GABBR1: variants seen among roughly 807,000 people sequenced by gnomAD.
The protein encoded by GABBR1 is GABA-B receptor, R1 subunit.
Under a neutral mutation model 117.7 loss-of-function variants are expected in GABBR1, and 35 were observed. The ratio of observed to expected loss-of-function variants is 0.30; its 90% CI spans 0.23 to 0.39. The LOEUF is 0.39. Among genes scored for constraint, GABBR1 ranks in the 10% least tolerant of loss-of-function variants. The pLI, the probability that GABBR1 is intolerant of heterozygous loss-of-function variation, is 1.00. For synonymous variants in GABBR1, 442 were observed against 486.6 expected (o/e 0.91, Z 1.21); for missense variants, 709 against 1,241.8 (o/e 0.57, Z 6.45).
chr6:29,615,587 C>A (rs56155438), intron 11 of GABBR1, among the ~76,000 whole-genome samples: 1 of 136,520 alleles, frequency 7.3e-6, no homozygotes, highest in Admixed American at 8.1e-5. Context: ...TCAGCCTGGG[C>A]GATGGAGTGA....
chr6:29,603,673 C>T lies in GABBR1; in HGVS notation c.2756G>A (p.Arg919Gln). 1 of 1,511,056 alleles carries T rather than the reference C, an allele frequency of 6.6e-7. No individual in the cohort carries two copies. Among genetic ancestry groups the T allele is most frequent in the Admixed American group, 2.4e-5 (1 of 42,388 alleles). The allele number at this position is 1,511,056 out of a possible 1,614,324, so 93.6% of individuals were successfully genotyped here. A position where few individuals can be genotyped will look rare whatever the true frequency, so the allele number is the denominator to read the frequency against. ...GTGGCGCCGGGAGCGGAGCTGCTGCCGAGACTGGAGTTGATGGCGCAGTTC... is the reference window on the plus strand; with the variant it reads ...GTGGCGCCGGGAGCGGAGCTGCTGCTGAGACTGGAGTTGATGGCGCAGTTC... ...VSELRHQLQS[R>Q]QQLRSRRHPP... Residue 919 changes from arginine (R) to glutamine (Q), a missense_variant, in exon 23 of 23, where the codon CGG becomes CAG. Arg to Gln is a conservative substitution (Grantham distance 43, BLOSUM62 1). Transcript: ENST00000377034.
chr6:29,603,259 A>C lies in GABBR1; in HGVS notation c.*284T>G, dbSNP rs1486193840. 4 of 621,702 alleles carry C rather than the reference A, an allele frequency of 6.4e-6. No individual in the cohort carries two copies. 38.5% of individuals were successfully genotyped at this position (621,702 alleles called of 1,614,324 possible). A position where few individuals can be genotyped will look rare whatever the true frequency, so the allele number is the denominator to read the frequency against. ...GAAAGATGCAGTGAGGCTGCTGAGG[A>C]GGCAGCGTGTGAGCAGTGAGCAGCT... On this transcript the variant is annotated 3_prime_UTR_variant, in exon 23 of 23. Transcript: ENST00000377034.
rs530998868 is a variant in GABBR1 at position 29,621,552 on chromosome 6, G to A, written c.1131+200C>T. 1.8e-4 allele frequency among the ~76,000 whole-genome samples: 28 copies of A among 152,274 alleles called. No homozygotes were observed. The highest frequency in any genetic ancestry group is 3.5e-4 in the Non-Finnish European group (24 of 68,018). ...TGGGCTTCTCAGGAAACACAAAGCA[G>A]TAGAAAAATGAGATCTGAAGAAAGT... On this transcript the variant is annotated intron_variant, in intron 10 of 22. Coordinates refer to ENST00000377034, the MANE Select transcript of GABBR1 (RefSeq NM_001470.4). This position sits in a 1 kb window ranked among gnomAD's most constrained non-coding sequence, Gnocchi z 5.0.
In GABBR1 at chr6:29,621,116, G is replaced by A; in HGVS notation, c.1308C>T (p.Arg436=). 1 of 1,612,684 alleles carries A rather than the reference G, an allele frequency of 6.2e-7. No individual in the cohort carries two copies. The highest frequency in any genetic ancestry group is 8.5e-7 in the Non-Finnish European group (1 of 1,179,892). Residue 436 remains arginine (R), a synonymous_variant, in exon 11 of 23, where the codon CGC becomes CGT. Coordinates refer to ENST00000377034, the MANE Select transcript of GABBR1 (RefSeq NM_001470.4). The surrounding 1 kb of genome is among the most constrained non-coding windows in gnomAD (Gnocchi z 5.0). ...EIVMLNPANT[R]SISNMTSQEF... is the part of the protein sequence containing the mutation. ...ACACTCTCACCATGTTGGAAATGCTGCGGGTATTGGCAGGATTCAGCATGA... is the reference window on the plus strand; with the variant it reads ...ACACTCTCACCATGTTGGAAATGCTACGGGTATTGGCAGGATTCAGCATGA...
rs1047918578 is a variant in GABBR1 at position 29,621,913 on chromosome 6, T to G, written c.1066-96A>C. On this transcript the variant is annotated intron_variant, in intron 9 of 22. Transcript: ENST00000377034. The surrounding 1 kb of genome is among the most constrained non-coding windows in gnomAD (Gnocchi z 5.0). ...ACAGCTTTGATTTCCCATCCCAAAG[T>G]GCTTAGTGCAGGGTAACGCTCAACG... is the stretch of plus-strand genomic sequence containing the variant. 1.4e-5 allele frequency: 18 copies of G among 1,307,004 alleles called. No individual in the cohort carries two copies. In the African/African-American group the frequency reaches 2.5e-4, roughly 18 times the overall value. 81.0% of individuals were successfully genotyped at this position (1,307,004 alleles called of 1,614,324 possible). A position where few individuals can be genotyped will look rare whatever the true frequency, so the allele number is the denominator to read the frequency against.
At position 29,631,299 on chromosome 6, in the gene GABBR1, A is replaced by C; in HGVS notation, c.289+97T>G. 1.6e-6 allele frequency: 2 copies of C among 1,215,756 alleles called. No homozygotes were observed. The highest frequency in any genetic ancestry group is 2.4e-6 in the Non-Finnish European group (2 of 841,192). The allele number at this position is 1,215,756 out of a possible 1,614,324, so 75.3% of individuals were successfully genotyped here. On this transcript the variant is annotated intron_variant, in intron 3 of 22. Transcript: ENST00000377034. This position sits in a 1 kb window ranked among gnomAD's most constrained non-coding sequence, Gnocchi z 5.9. ...TAAATGTATTTGTGAATTTTGGTAT[A>C]CTGGATTTAAAGTGCTGACTTGCAA...
chr6:29,622,507 G>A lies in GABBR1; in HGVS notation c.964-302C>T. 2.5e-6 allele frequency: 1 copy of A among 395,188 alleles called. No homozygotes were observed. Among genetic ancestry groups the A allele is most frequent in the Non-Finnish European group, 4.6e-6 (1 of 216,564 alleles). The allele number at this position is 395,188 out of a possible 1,614,324, so 24.5% of individuals were successfully genotyped here. A position where few individuals can be genotyped will look rare whatever the true frequency, so the allele number is the denominator to read the frequency against. ...AAAGATGGGGTAAAGAAACATAAAG[G>A]AACCAGGAAAAGACAAGGCAAGGAC... On this transcript the variant is annotated intron_variant, in intron 8 of 22. Transcript: ENST00000377034. This position sits in a 1 kb window ranked among gnomAD's most constrained non-coding sequence, Gnocchi z 4.6.
chr6:29,621,964 G>GTTT lies in GABBR1; in HGVS notation c.1065+139_1065+140insAAA. On this transcript the variant is annotated intron_variant, in intron 9 of 22. Transcript: ENST00000377034. The surrounding 1 kb of genome is among the most constrained non-coding windows in gnomAD (Gnocchi z 5.0). ...TATAGTGAATAAACGTCAACTGGAAGATGGAGCTAAACTTCCCCAGGAGAT... is the reference window on the plus strand; with the variant it reads ...TATAGTGAATAAACGTCAACTGGAAGTTTATGGAGCTAAACTTCCCCAGGAGAT... 1 of 1,040,338 alleles carries GTTT rather than the reference G, an allele frequency of 9.6e-7. No individual in the cohort carries two copies. The highest frequency in any genetic ancestry group is 1.5e-6 in the Non-Finnish European group (1 of 687,290). 64.4% of individuals were successfully genotyped at this position (1,040,338 alleles called of 1,614,324 possible).
In GABBR1 at chr6:29,616,667, A is replaced by C. The variant is rs113671722; in HGVS notation, c.1324-3182T>G. Among the ~76,000 whole-genome samples the C allele has an allele frequency of 1.5e-3, 227 of 151,634 alleles. 1 individual carries two copies. Among genetic ancestry groups the C allele is most frequent in the African/African-American group, 5.0e-3 (207 of 41,326 alleles). On this transcript the variant is annotated intron_variant, in intron 11 of 22. Coordinates refer to ENST00000377034, the MANE Select transcript of GABBR1 (RefSeq NM_001470.4). ...ACCATTGTGCTCCAGCCTAGGCAAC[A>C]GAGCAAGACTCTATCTCGAGAAAAA... is the stretch of plus-strand genomic sequence containing the variant.
At position 29,622,078 on chromosome 6, in the gene GABBR1, G is replaced by C. The variant is rs1763808653; in HGVS notation, c.1065+26C>G. The C allele has an allele frequency of 5.0e-6, 8 of 1,590,760 alleles. No individual in the cohort carries two copies. Among genetic ancestry groups the C allele is most frequent in the African/African-American group, 1.3e-5 (1 of 74,578 alleles). On this transcript the variant is annotated intron_variant, in intron 9 of 22. Coordinates refer to ENST00000377034, the MANE Select transcript of GABBR1 (RefSeq NM_001470.4). The surrounding 1 kb of genome is among the most constrained non-coding windows in gnomAD (Gnocchi z 4.6). Reference sequence around the variant, plus strand: ...CCCCAGCTTGGTCCCTCCGTAAACAGAGCCCACCACTCCCAGCCATCTGAC... The same window carrying C: ...CCCCAGCTTGGTCCCTCCGTAAACACAGCCCACCACTCCCAGCCATCTGAC...
At position 29,613,156 on chromosome 6, in the gene GABBR1, A is replaced by C; in HGVS notation, c.1566+87T>G. The C allele has an allele frequency of 7.2e-7, 1 of 1,387,898 alleles. No individual in the cohort carries two copies. The highest frequency in any genetic ancestry group is 1.0e-6 in the Non-Finnish European group (1 of 995,472). The allele number at this position is 1,387,898 out of a possible 1,614,324, so 86.0% of individuals were successfully genotyped here. A position where few individuals can be genotyped will look rare whatever the true frequency, so the allele number is the denominator to read the frequency against. ...CTGCAAAGAAGTAACTGAGAAAAAC[A>C]GAGAATGCATGTTTGTAGAAGGTGC... On this transcript the variant is annotated intron_variant, in intron 12 of 22. Coordinates refer to ENST00000377034, the MANE Select transcript of GABBR1 (RefSeq NM_001470.4). The surrounding 1 kb of genome is among the most constrained non-coding windows in gnomAD (Gnocchi z 4.1).
chr6:29,615,343 GC>G (rs374233819), intron 11 of GABBR1, among the ~76,000 whole-genome samples: 20 of 151,642 alleles, frequency 1.3e-4, no homozygotes, highest in African/African-American at 4.8e-4. Flanking sequence ...GGGCACAGTG[GC>G]TCACACTTGT....
In GABBR1 at chr6:29,621,280, G is replaced by A; in HGVS notation, c.1144C>T (p.Arg382Cys). 1 of 1,612,602 alleles carries A rather than the reference G, an allele frequency of 6.2e-7. No homozygotes were observed. Among genetic ancestry groups the A allele is most frequent in the Non-Finnish European group, 8.5e-7 (1 of 1,179,694 alleles). Residue 382 changes from arginine (R) to cysteine (C), a missense_variant, in exon 11 of 23, where the codon CGT becomes TGT. By Grantham distance (180) the Arg-to-Cys change is radical (BLOSUM62 -3). This residue lies in a region of GABBR1 where 192 missense variants were observed against 418.4 expected (regional missense o/e 0.46). Coordinates refer to ENST00000377034, the MANE Select transcript of GABBR1 (RefSeq NM_001470.4). The surrounding 1 kb of genome is among the most constrained non-coding windows in gnomAD (Gnocchi z 5.0). Reference sequence around the variant, plus strand: ...CAGACGTACTTCTTCCCAAAGAGACGCTCCTTGTACACCTGAATACAGAGG... The same window carrying A: ...CAGACGTACTTCTTCCCAAAGAGACACTCCTTGTACACCTGAATACAGAGG... ...RKVFCEVYKERLFGKKYVWFL... is the reference protein window; with the variant it reads ...RKVFCEVYKECLFGKKYVWFL...
In GABBR1 at chr6:29,623,519, G is replaced by A; in HGVS notation, c.793-44C>T. On this transcript the variant is annotated intron_variant, in intron 7 of 22. Transcript: ENST00000377034. The surrounding 1 kb of genome is among the most constrained non-coding windows in gnomAD (Gnocchi z 6.2). ...GAGTGCAACAGGGTCTGTTCACTGA[G>A]GACACCAAGAGTGGCCAAGAGTTCC... is the stretch of plus-strand genomic sequence containing the variant. 1.3e-6 allele frequency: 2 copies of A among 1,595,426 alleles called. No individual in the cohort carries two copies. Among genetic ancestry groups the A allele is most frequent in the South Asian group, 2.2e-5 (2 of 89,866 alleles).
rs1445201082 is a variant in GABBR1 at position 29,604,120 on chromosome 6, T to C, written c.2712+374A>G. Among the ~76,000 whole-genome samples, 1 of 152,016 alleles carries C rather than the reference T, an allele frequency of 6.6e-6. No homozygotes were observed. The highest frequency in any genetic ancestry group is 1.5e-5 in the Non-Finnish European group (1 of 67,996). ...GAACGCCTGCCCAGGTCCTTTATGC[T>C]GGGGCTGCATGCTACACCCAGCTGC... On this transcript the variant is annotated intron_variant, in intron 22 of 22. Coordinates refer to ENST00000377034, the MANE Select transcript of GABBR1 (RefSeq NM_001470.4). The surrounding 1 kb of genome is among the most constrained non-coding windows in gnomAD (Gnocchi z 5.3).
intron 11 of GABBR1, among the ~76,000 whole-genome samples, chr6:29,614,536 G>C (rs779387746): frequency 6.6e-6 from 1 of 152,254 alleles, no homozygotes; most frequent in African/African-American, 2.4e-5. Context: ...AAAGGGCACA[G>C]GCAAGGTACA....
rs977324316 is a variant in GABBR1, at chr6:29,625,517, C to T, written c.658-1493G>A. On this transcript the variant is annotated intron_variant, in intron 6 of 22. Transcript: ENST00000377034. Reference sequence around the variant, plus strand: ...TCATCACTGCAGATTCTCTCCACCACGTGATTCTCTCCCCCTCCCCAATAG... The same window carrying T: ...TCATCACTGCAGATTCTCTCCACCATGTGATTCTCTCCCCCTCCCCAATAG... 2.6e-5 allele frequency among the ~76,000 whole-genome samples: 4 copies of T among 152,188 alleles called. No individual in the cohort carries two copies. The South Asian group carries it at 6.2e-4, about 24-fold the overall frequency.
At chr6:29,610,706 T>C (rs1762451371) in intron 14 of GABBR1, among the ~76,000 whole-genome samples, 1 of 151,134 alleles carries the variant, frequency 6.6e-6, no homozygotes. Flanking sequence ...CCATTAAAAA[T>C]AGTACTAACC....
rs911204106 is a variant in GABBR1 at position 29,609,210 on chromosome 6, C to T, written c.1859+19G>A. On this transcript the variant is annotated intron_variant, in intron 15 of 22. Coordinates refer to ENST00000377034, the MANE Select transcript of GABBR1 (RefSeq NM_001470.4). This position sits in a 1 kb window ranked among gnomAD's most constrained non-coding sequence, Gnocchi z 4.3. Reference sequence around the variant, plus strand: ...ATCTCAGAGAGGCAGACAAGGAAAACGTCAGAAGAGAAACTTACCGGACAT... The same window carrying T: ...ATCTCAGAGAGGCAGACAAGGAAAATGTCAGAAGAGAAACTTACCGGACAT... The T allele has an allele frequency of 2.5e-6, 4 of 1,611,388 alleles. No individual in the cohort carries two copies. Among genetic ancestry groups the T allele is most frequent in the African/African-American group, 1.3e-5 (1 of 74,872 alleles).
Sources: allele counts gnomAD v4.1 joint callset (sites outside exome capture counted in the v4.1 genomes callset), GRCh38; gene constraint gnomAD v4.1.1; regional missense constraint gnomAD v4.1.1; non-coding constraint Gnocchi (gnomAD v3.1); transcripts MANE v1.5; gene names NCBI Gene and HGNC (gene_info 2026-07-23, HGNC 2026-07-21).